FAM222B: variants seen among roughly 807,000 people sequenced by gnomAD.
FAM222B encodes family with sequence similarity 222 member B.
FAM222B carries 12 observed loss-of-function variants against 38.0 expected under a neutral mutation model. The observed-to-expected ratio is 0.32, with a 90% CI of 0.20 to 0.51. The LOEUF (loss-of-function observed/expected upper bound fraction) is 0.51, where lower values mean the gene tolerates loss of function less well. FAM222B is among the 20% of genes least tolerant of loss of function. The probability of loss-of-function intolerance (pLI) is 0.97; values close to 1 mark genes in which losing one functional copy is unlikely to be tolerated. For missense variants in FAM222B, 716 were observed against 754.2 expected, an observed-to-expected ratio of 0.95 and a Z score of 0.59; for synonymous variants, 329 against 317.2, an observed-to-expected ratio of 1.04 and a Z score of -0.40.
At chr17:28,761,224 A>G (rs1244966499) in intron 2 of FAM222B, among the ~76,000 whole-genome samples, 1 of 152,234 alleles carries the variant, frequency 6.6e-6, no homozygotes, top group Non-Finnish European at 1.5e-5. Context: ...TCCAGTCAAA[A>G]AGGAAAAGGT....
chr17:28,776,561 A>G (rs1438770436), intron 1 of FAM222B, among the ~76,000 whole-genome samples: 3 of 150,206 alleles, frequency 2.0e-5, no homozygotes, highest in Non-Finnish European at 3.0e-5. Flanking sequence ...GGCTCAAGCA[A>G]TCCTCCTGCT....
chr17:28,835,706 C>G (rs1419078625), intron 1 of FAM222B, among the ~76,000 whole-genome samples: 1 of 152,180 alleles, frequency 6.6e-6, no homozygotes, highest in Non-Finnish European at 1.5e-5. Context: ...GTCGCCCAGG[C>G]TGGAGTGCAA....
At chr17:28,813,899 GCA>G (rs1364826546) in intron 1 of FAM222B, among the ~76,000 whole-genome samples, 1 of 151,738 alleles carries the variant, frequency 6.6e-6, no homozygotes, top group Non-Finnish European at 1.5e-5. Context: ...TAGTGATAGA[GCA>G]CTACATGGGG....
intron 1 of FAM222B, among the ~76,000 whole-genome samples, chr17:28,803,450 C>A (rs186289267): frequency 2.9e-4 from 44 of 152,090 alleles, no homozygotes; most frequent in Middle Eastern, 3.4e-3. Flanking sequence ...GGAGTACAGG[C>A]ACACATCACC....
chr17:28,827,300 G>C (rs2038478878), intron 1 of FAM222B, among the ~76,000 whole-genome samples: 1 of 152,058 alleles, frequency 6.6e-6, no homozygotes, highest in Admixed American at 6.6e-5. Context: ...AGAAGCTGCA[G>C]TGAGCTATGA....
intron 1 of FAM222B, among the ~76,000 whole-genome samples, chr17:28,809,756 T>C (rs1194252429): frequency 6.6e-6 from 1 of 152,088 alleles, no homozygotes; most frequent in African/African-American, 2.4e-5. Context: ...GGAGGGCTGC[T>C]TGAGGCCAGG....
At chr17:28,762,294 C>T (rs1483502903) in intron 2 of FAM222B, 1 of 152,182 alleles carries the variant, frequency 6.6e-6, no homozygotes, top group Admixed American at 6.5e-5. Flanking sequence ...GGGAATACAG[C>T]ACCATCTACC....
Position 28,759,036 on chromosome 17 carries a change from G to A in FAM222B, c.923C>T (p.Thr308Ile), listed in dbSNP as rs1221959271. Residue 308 changes from threonine to isoleucine, a missense_variant, in exon 3 of 3, where the codon ACC (threonine) becomes ATC (isoleucine). Physicochemically the swap from Thr to Ile is moderately conservative, Grantham distance 89 (BLOSUM62 -1). Coordinates refer to ENST00000581407, the MANE Select transcript of FAM222B (RefSeq NM_001077498.3). This position sits in a 1 kb window ranked among gnomAD's most constrained non-coding sequence, Gnocchi z 4.8. ...ISRSLLINAS[T>I]RVSTHSVPTP... ...GGGGACGCTGTGGGTCGACACCCGG[G>A]TGCTTGCATTGATGAGCAGACTGCG... 1 of 1,612,934 alleles carries A rather than the reference G, an allele frequency of 6.2e-7. No homozygotes were observed. Among genetic ancestry groups the A allele is most frequent in the Non-Finnish European group, 8.5e-7 (1 of 1,179,474 alleles).
At chr17:28,813,752 T>C (rs1161823690) in intron 1 of FAM222B, among the ~76,000 whole-genome samples, 3 of 151,516 alleles carry the variant, frequency 2.0e-5, no homozygotes, top group African/African-American at 4.8e-5. Context: ...TTCACTGTGT[T>C]AGCCAGGACG....
intron 1 of FAM222B, among the ~76,000 whole-genome samples, chr17:28,806,359 T>A: frequency 6.6e-6 from 1 of 152,332 alleles, no homozygotes; most frequent in African/African-American, 2.4e-5. Flanking sequence ...AGATGCCCTC[T>A]GCCCTTTTCA....
chr17:28,841,862 A>G (rs976793734), intron 1 of FAM222B, among the ~76,000 whole-genome samples: 2 of 152,228 alleles, frequency 1.3e-5, no homozygotes, highest in African/African-American at 2.4e-5. Flanking sequence ...ATCACATTAC[A>G]GAACTGGTAG....
At chr17:28,850,462 C>T (rs946119293) in intron 1 of FAM222B, among the ~76,000 whole-genome samples, 8 of 151,940 alleles carry the variant, frequency 5.3e-5, no homozygotes, top group African/African-American at 1.9e-4. Context: ...ACACCACGCC[C>T]GGCTTTTTTG....
intron 1 of FAM222B, among the ~76,000 whole-genome samples, chr17:28,776,673 G>A (rs2151824443): frequency 6.6e-6 from 1 of 151,790 alleles, no homozygotes; most frequent in East Asian, 2.0e-4. Context: ...CCAGGCTGCT[G>A]CTGAACTCCT....
At chr17:28,786,080 C>T (rs762865404) in intron 1 of FAM222B, among the ~76,000 whole-genome samples, 128 of 152,150 alleles carry the variant, frequency 8.4e-4, no homozygotes, top group Non-Finnish European at 1.5e-3. Context: ...GATCTATCCA[C>T]CTCGGCCTCC....
intron 1 of FAM222B, among the ~76,000 whole-genome samples, chr17:28,837,797 C>T (rs913641945): frequency 2.6e-5 from 4 of 151,972 alleles, no homozygotes; most frequent in African/African-American, 7.2e-5. Flanking sequence ...GGATTACAGG[C>T]GGGTGCCACC....
chr17:28,809,206 C>A (rs1407071907), intron 1 of FAM222B, among the ~76,000 whole-genome samples: 1 of 152,098 alleles, frequency 6.6e-6, no homozygotes, highest in Non-Finnish European at 1.5e-5. Flanking sequence ...CAAAAATTAG[C>A]CAGGCGTGCT....
chr17:28,793,255 G>A (rs777645154), intron 1 of FAM222B, among the ~76,000 whole-genome samples: 2 of 152,102 alleles, frequency 1.3e-5, no homozygotes, highest in Non-Finnish European at 2.9e-5. Flanking sequence ...ATTTTAGTAA[G>A]AGTTTCTCAA....
At chr17:28,783,742 C>T (rs1227028122) in intron 1 of FAM222B, among the ~76,000 whole-genome samples, 2 of 152,008 alleles carry the variant, frequency 1.3e-5, no homozygotes, top group Non-Finnish European at 2.9e-5. Flanking sequence ...AACTCCTGGC[C>T]TCAAATGATC....
intron 1 of FAM222B, among the ~76,000 whole-genome samples, chr17:28,841,403 C>T (rs2039033152): frequency 6.6e-6 from 1 of 152,232 alleles, no homozygotes; most frequent in Non-Finnish European, 1.5e-5. Context: ...CAGACGGAGT[C>T]TCGCACTGTC....
Sources: allele counts gnomAD v4.1 joint callset (sites outside exome capture counted in the v4.1 genomes callset), GRCh38; gene constraint gnomAD v4.1.1; non-coding constraint Gnocchi (gnomAD v3.1); transcripts MANE v1.5; gene names NCBI Gene and HGNC (gene_info 2026-07-23, HGNC 2026-07-21).